TENM3: variants seen among roughly 807,000 people sequenced by gnomAD.
TENM3 encodes the protein teneurin transmembrane protein 3.
In TENM3, 63 loss-of-function variants were observed where a neutral mutation model predicts 255.1. That is an observed-to-expected ratio of 0.25 (90% confidence interval 0.20 to 0.30). TENM3 has a LOEUF of 0.30. Among genes scored for constraint, TENM3 ranks in the 10% least tolerant of loss-of-function variants. TENM3 has a pLI of 1.00. For missense variants in TENM3, 2,929 were observed against 3,461.1 expected (o/e 0.85, Z 3.86); for synonymous variants, 1,306 against 1,322.3 (o/e 0.99, Z 0.27).
intron 1 of TENM3, among the ~76,000 whole-genome samples, chr4:182,207,688 ATTTC>A (rs1754678802): frequency 6.6e-6 from 1 of 152,150 alleles, no homozygotes; most frequent in African/African-American, 2.4e-5. Context: ...GTGTCTGAAA[ATTTC>A]TTAATATGTA....
intron 2 of TENM3, among the ~76,000 whole-genome samples, chr4:182,336,237 A>G (rs553142579): frequency 2.0e-5 from 3 of 152,258 alleles, no homozygotes; most frequent in African/African-American, 7.2e-5. Context: ...GGCATCCTCC[A>G]TGTTGTTTTC....
chr4:182,081,189 T>A, the TENM3 span, among the ~76,000 whole-genome samples: 1 of 152,088 alleles, frequency 6.6e-6, no homozygotes, highest in African/African-American at 2.4e-5. Context: ...TATTAGTTAA[T>A]CTTATGATTA....
chr4:182,499,490 T>C (rs1736116164), intron 3 of TENM3, among the ~76,000 whole-genome samples: 1 of 151,986 alleles, frequency 6.6e-6, no homozygotes, highest in African/African-American at 2.4e-5. Flanking sequence ...CCTACCCAAC[T>C]CTATTAGAGC....
chr4:181,613,873 C>T, the TENM3 span, among the ~76,000 whole-genome samples: 17 of 152,110 alleles, frequency 1.1e-4, no homozygotes, highest in African/African-American at 3.6e-4. Context: ...AAGCCACACA[C>T]GTGACCTGTG....
the TENM3 span, among the ~76,000 whole-genome samples, chr4:181,816,030 G>T: frequency 6.6e-6 from 1 of 152,166 alleles, no homozygotes; most frequent in Non-Finnish European, 1.5e-5. Context: ...CCATTGATTT[G>T]CATGATCACT....
the TENM3 span, among the ~76,000 whole-genome samples, chr4:181,859,445 GC>G: frequency 1.3e-5 from 2 of 151,996 alleles, no homozygotes; most frequent in South Asian, 4.1e-4. Context: ...CAAGGAAACA[GC>G]AAAAAAGTAG....
intron 3 of TENM3, among the ~76,000 whole-genome samples, chr4:182,446,854 T>C (rs908779930): frequency 1.3e-5 from 2 of 152,194 alleles, no homozygotes; most frequent in Non-Finnish European, 2.9e-5. Flanking sequence ...CCTAGTTATA[T>C]GGTGTTTATT....
At chr4:182,725,559 C>T (rs1579248674) in intron 13 of TENM3, among the ~76,000 whole-genome samples, 1 of 151,800 alleles carries the variant, frequency 6.6e-6, no homozygotes, top group East Asian at 1.9e-4. Context: ...TGCCCTTTTG[C>T]CTAGGAAAGT....
chr4:181,716,946 G>A, the TENM3 span, among the ~76,000 whole-genome samples: 2 of 152,168 alleles, frequency 1.3e-5, no homozygotes, highest in Non-Finnish European at 2.9e-5. Flanking sequence ...TTCGGTTTGG[G>A]ATTATTAGCA....
chr4:181,854,613 A>T, the TENM3 span, among the ~76,000 whole-genome samples: 1 of 152,210 alleles, frequency 6.6e-6, no homozygotes, highest in Non-Finnish European at 1.5e-5. Flanking sequence ...TCTCTGTACC[A>T]GGAAACATAA....
At chr4:181,696,532 T>C in the TENM3 span, among the ~76,000 whole-genome samples, 1,285 of 152,352 alleles carry the variant, frequency 8.4e-3, 20 homozygotes, top group African/African-American at 0.03. Flanking sequence ...CATATAATTA[T>C]GTATCACAAC....
At chr4:181,919,104 T>A in the TENM3 span, among the ~76,000 whole-genome samples, 1 of 152,150 alleles carries the variant, frequency 6.6e-6, no homozygotes, top group Admixed American at 6.6e-5. Flanking sequence ...AGGATAAGAA[T>A]TCCTTCGGGA....
the TENM3 span, among the ~76,000 whole-genome samples, chr4:181,654,196 G>A: frequency 6.9e-6 from 1 of 144,364 alleles, no homozygotes; most frequent in Admixed American, 7.1e-5. Flanking sequence ...AATTCTATGC[G>A]ATAAACCTTC....
chr4:182,173,592 G>C (rs1752248214), intron 1 of TENM3, among the ~76,000 whole-genome samples: 1 of 152,176 alleles, frequency 6.6e-6, no homozygotes, highest in Non-Finnish European at 1.5e-5. Context: ...TGGCCAGGAA[G>C]TTTCAAAATA....
chr4:182,592,800 A>G (rs1174200374), intron 3 of TENM3, among the ~76,000 whole-genome samples: 1 of 152,242 alleles, frequency 6.6e-6, no homozygotes, highest in African/African-American at 2.4e-5. Context: ...GAAAGAGGTC[A>G]ATTTTGAAGA....
At chr4:182,528,057 C>A (rs1227221430) in intron 3 of TENM3, among the ~76,000 whole-genome samples, 1 of 152,170 alleles carries the variant, frequency 6.6e-6, no homozygotes, top group East Asian at 1.9e-4. Flanking sequence ...TCCTTTCCAA[C>A]CCTAATATTC....
chr4:182,362,346 G>A (rs557989892), intron 3 of TENM3, among the ~76,000 whole-genome samples: 5 of 138,078 alleles, frequency 3.6e-5, no homozygotes, highest in Admixed American at 3.0e-4. Flanking sequence ...AGGCAGGCAG[G>A]CCTCCTTGAG....
At chr4:182,383,847 G>A (rs1340075073) in intron 3 of TENM3, among the ~76,000 whole-genome samples, 2 of 152,154 alleles carry the variant, frequency 1.3e-5, no homozygotes, top group East Asian at 3.9e-4. Context: ...CAGAAATAAG[G>A]CTGCACACTT....
At chr4:181,911,959 A>G in the TENM3 span, among the ~76,000 whole-genome samples, 3 of 152,242 alleles carry the variant, frequency 2.0e-5, no homozygotes, top group Non-Finnish European at 4.4e-5. Flanking sequence ...ATGGCCTACT[A>G]CAAATAAGGC....
Sources: gnomAD v4.1 joint callset for allele counts (sites outside exome capture counted in the v4.1 genomes callset) on GRCh38, gnomAD v4.1.1 for gene constraint, MANE v1.5 for transcripts, NCBI Gene and HGNC (gene_info 2026-07-23, HGNC 2026-07-21) for gene names.